The following NXPE2 variants were observed in gnomAD, a reference collection of about 807,000 sequenced individuals.
The protein encoded by NXPE2 is NXPE family member 2.
In NXPE2, 34 loss-of-function variants were observed where a neutral mutation model predicts 34.4. That is an observed-to-expected ratio of 0.99 (90% CI 0.75 to 1.31). The LOEUF is 1.31. Among genes scored for constraint, NXPE2 ranks in the 40% most tolerant of loss-of-function variants. NXPE2 has a pLI of 0.00. For synonymous variants in NXPE2, 235 were observed against 231.3 expected (o/e 1.02, Z -0.15); for missense variants, 649 against 672.5 (o/e 0.97, Z 0.39).
chr11:114,632,135 T>C, the NXPE2 span, among the ~76,000 whole-genome samples: 72 of 143,652 alleles, frequency 5.0e-4, no homozygotes, highest in African/African-American at 1.7e-3. Context: ...ATAAAATATA[T>C]TATAATTTAT....
intron 4 of NXPE2, 72 bp from the exon 5 acceptor site, chr11:114,705,709 A>G (rs1450623580): frequency 9.9e-7 from 1 of 1,006,428 alleles, no homozygotes; most frequent in African/African-American, 1.7e-5. Flanking sequence ...AAGGAAGGCA[A>G]AAATGAGAAA....
the NXPE2 span, among the ~76,000 whole-genome samples, chr11:114,648,597 T>C: frequency 2.0e-5 from 3 of 152,316 alleles, no homozygotes; most frequent in South Asian, 2.1e-4. Context: ...CCCAGTCAAG[T>C]TGATACATAA....
downstream of NXPE2, among the ~76,000 whole-genome samples, chr11:114,710,920 A>G (rs2135580515): frequency 6.6e-6 from 1 of 152,334 alleles, no homozygotes; most frequent in South Asian, 2.1e-4. Context: ...TATACCTGGA[A>G]TACAAGGATG....
At chr11:114,630,643 C>T in the NXPE2 span, among the ~76,000 whole-genome samples, 191 of 151,122 alleles carry the variant, frequency 1.3e-3, 3 homozygotes, top group African/African-American at 4.4e-3. Context: ...ACACCAAAAG[C>T]AATGGCAACA....
intron 2 of NXPE2, among the ~76,000 whole-genome samples, chr11:114,691,273 T>C (rs1030025785): frequency 3.3e-5 from 5 of 152,132 alleles, no homozygotes; most frequent in African/African-American, 1.2e-4. Flanking sequence ...TTCTTTTTTT[T>C]CTTGGGGGTA....
At chr11:114,663,638 A>ATCATCTATCTATCATCTG in the NXPE2 span, among the ~76,000 whole-genome samples, 1 of 7,772 alleles carries the variant, frequency 1.3e-4, no homozygotes, top group Non-Finnish European at 4.7e-4. Context: ...TCTATCTATC[A>ATCATCTATCTATCATCTG]TCTATCCATC....
the NXPE2 span, chr11:114,580,133 G>A: frequency 1.2e-6 from 2 of 1,611,822 alleles, no homozygotes; most frequent in African/African-American, 2.7e-5. Context: ...GAGGCATACT[G>A]TTGATACTGG....
chr11:114,701,262 G>A (rs1951359704), intron 3 of NXPE2, among the ~76,000 whole-genome samples: 1 of 152,062 alleles, frequency 6.6e-6, no homozygotes, highest in Non-Finnish European at 1.5e-5. Flanking sequence ...TGTTTTATAT[G>A]TGCCTGATTC....
intron 3 of NXPE2, among the ~76,000 whole-genome samples, chr11:114,701,612 A>G (rs1255035877): frequency 6.6e-6 from 1 of 152,170 alleles, no homozygotes; most frequent in Non-Finnish European, 1.5e-5. Context: ...GGAACAGCTG[A>G]TTACACATCC....
the NXPE2 span, among the ~76,000 whole-genome samples, chr11:114,799,260 C>A: frequency 7.6e-6 from 1 of 131,586 alleles, no homozygotes; most frequent in African/African-American, 2.9e-5. Context: ...AACATCTGTC[C>A]TACAAATGGA....
the NXPE2 span, chr11:114,527,704 T>C: frequency 7.2e-6 from 4 of 556,122 alleles, no homozygotes; most frequent in South Asian, 1.3e-4. Flanking sequence ...AGTTCATTTC[T>C]CCCTTTAAAG....
At chr11:114,700,646 A>G (rs924048518) in intron 3 of NXPE2, among the ~76,000 whole-genome samples, 2 of 152,208 alleles carry the variant, frequency 1.3e-5, no homozygotes, top group African/African-American at 2.4e-5. Flanking sequence ...TGACACTGAG[A>G]AAGTTCTGAA....
At chr11:114,582,518 G>A in the NXPE2 span, 1 of 1,614,138 alleles carries the variant, frequency 6.2e-7, no homozygotes, top group African/African-American at 1.3e-5. Flanking sequence ...AGATCACCCT[G>A]TCATAGCCTT....
chr11:114,730,037 T>A, the NXPE2 span, among the ~76,000 whole-genome samples: 1 of 152,194 alleles, frequency 6.6e-6, no homozygotes, highest in South Asian at 2.1e-4. Flanking sequence ...CAGTTTGAGG[T>A]CTTACATTTA....
chr11:114,742,489 A>G, the NXPE2 span, among the ~76,000 whole-genome samples: 1 of 152,140 alleles, frequency 6.6e-6, no homozygotes, highest in African/African-American at 2.4e-5. Context: ...GTGCTCACTC[A>G]TGCCCCTCTC....
the NXPE2 span, among the ~76,000 whole-genome samples, chr11:114,640,127 A>T: frequency 1.3e-3 from 156 of 120,848 alleles, 4 homozygotes; most frequent in East Asian, 0.035. Context: ...TGTTATATGT[A>T]ATATATTATA....
the NXPE2 span, among the ~76,000 whole-genome samples, chr11:114,746,149 T>G: frequency 6.6e-6 from 1 of 152,156 alleles, no homozygotes; most frequent in African/African-American, 2.4e-5. Flanking sequence ...TTGACCAGAA[T>G]CTATCTTTGG....
chr11:114,639,109 G>C, the NXPE2 span, among the ~76,000 whole-genome samples: 2 of 152,162 alleles, frequency 1.3e-5, no homozygotes, highest in African/African-American at 4.8e-5. Flanking sequence ...TTGAGCTGTG[G>C]TGGGCTCCAC....
At chr11:114,634,372 C>G in the NXPE2 span, among the ~76,000 whole-genome samples, 1 of 151,984 alleles carries the variant, frequency 6.6e-6, no homozygotes, top group Non-Finnish European at 1.5e-5. Flanking sequence ...AGCCCTTTGT[C>G]AGATGAGTAG....
Sources: allele counts gnomAD v4.1 joint callset (sites outside exome capture counted in the v4.1 genomes callset), GRCh38; gene constraint gnomAD v4.1.1; transcripts MANE v1.5; gene names NCBI Gene and HGNC (gene_info 2026-07-23, HGNC 2026-07-21).